Variants in PCDH7 observed in about 807,000 individuals in gnomAD.
PCDH7 encodes protocadherin 7, also known as protocadherin-7.
Under a neutral mutation model 58.9 loss-of-function variants are expected in PCDH7, and 17 were observed. The ratio of observed to expected loss-of-function variants is 0.29; its 90% CI spans 0.20 to 0.43. The LOEUF (loss-of-function observed/expected upper bound fraction) is 0.43, where lower values mean the gene tolerates loss of function less well. PCDH7 is among the 20% of genes least tolerant of loss of function. The pLI, the probability that PCDH7 is intolerant of heterozygous loss-of-function variation, is 1.00. For missense variants in PCDH7, 1,274 were observed against 1,441.0 expected, an observed-to-expected ratio of 0.88 and a Z score of 1.88; for synonymous variants, 664 against 616.4, an observed-to-expected ratio of 1.08 and a Z score of -1.14.
intron 1 of PCDH7, among the ~76,000 whole-genome samples, chr4:30,893,850 T>G (rs1423651594): frequency 6.6e-6 from 1 of 152,130 alleles, no homozygotes; most frequent in Non-Finnish European, 1.5e-5. Context: ...CAGGCCTGCA[T>G]GTATCATCTT....
intron 3 of PCDH7, among the ~76,000 whole-genome samples, chr4:31,079,361 T>C (rs1490253249): frequency 2.5e-5 from 2 of 79,096 alleles, no homozygotes; most frequent in Non-Finnish European, 4.8e-5. Context: ...TATATATATA[T>C]ATACACCACA....
intron 1 of PCDH7, among the ~76,000 whole-genome samples, chr4:30,751,075 T>C (rs1718455700): frequency 6.6e-6 from 1 of 152,242 alleles, no homozygotes; most frequent in Non-Finnish European, 1.5e-5. Context: ...AAAGACTTTT[T>C]GTGGCCATGT....
chr4:31,142,614 T>A, exon 4 of PCDH7: 1 of 1,367,788 alleles, frequency 7.3e-7, no homozygotes, highest in Non-Finnish European at 9.8e-7. Context: ...TCCACTTTCA[T>A]GCCTGTTGAT....
intron 3 of PCDH7, among the ~76,000 whole-genome samples, chr4:31,018,612 G>T (rs1310402796): frequency 1.3e-5 from 2 of 152,110 alleles, no homozygotes; most frequent in Non-Finnish European, 2.9e-5. Context: ...GTTTCTCTAA[G>T]TCGTGTATAT....
chr4:30,812,321 T>C (rs1727126681), intron 1 of PCDH7, among the ~76,000 whole-genome samples: 1 of 152,194 alleles, frequency 6.6e-6, no homozygotes, highest in South Asian at 2.1e-4. Flanking sequence ...ATTTGTTTTA[T>C]TGTTATCCTT....
intron 1 of PCDH7, among the ~76,000 whole-genome samples, chr4:30,890,252 G>T (rs748682462): frequency 6.6e-6 from 1 of 152,002 alleles, no homozygotes; most frequent in Non-Finnish European, 1.5e-5. Flanking sequence ...ACTGTAATTT[G>T]CATGCCAAGT....
At chr4:30,948,085 T>C (rs563414843) in intron 2 of PCDH7, among the ~76,000 whole-genome samples, 1 of 152,030 alleles carries the variant, frequency 6.6e-6, no homozygotes, top group Non-Finnish European at 1.5e-5. Context: ...ATATTGCTTA[T>C]TACATCTTAA....
At chr4:30,738,920 C>CATGT (rs1474204963) in intron 1 of PCDH7, among the ~76,000 whole-genome samples, 1 of 151,786 alleles carries the variant, frequency 6.6e-6, no homozygotes, top group African/African-American at 2.4e-5. Flanking sequence ...AACTGCCAGG[C>CATGT]ATGTAACCAA....
rs573664721 is a variant in PCDH7 at position 30,974,120 on chromosome 4, A to G, written c.*7+23905A>G. ...AGTTATGAATTCAGTTGTCAGTAGT[A>G]TCCATGAATACTACTGGTGTTGCAG... On this transcript the variant is annotated intron_variant, in intron 3 of 3. Coordinates refer to the PCDH7 transcript ENST00000509759. Among the ~76,000 whole-genome samples, 10 of 151,840 alleles carry G rather than the reference A, an allele frequency of 6.6e-5. No homozygotes were observed. The East Asian group carries it at 1.9e-3, about 29-fold the overall frequency.
At chr4:30,761,771 A>C in intron 1 of PCDH7, among the ~76,000 whole-genome samples, 1 of 152,216 alleles carries the variant, frequency 6.6e-6, no homozygotes, top group East Asian at 1.9e-4. Flanking sequence ...TCATGTGCTA[A>C]GTTCTTAAAA....
intron 1 of PCDH7, among the ~76,000 whole-genome samples, chr4:30,804,106 G>T (rs1333400298): frequency 1.3e-5 from 2 of 151,994 alleles, no homozygotes; most frequent in African/African-American, 4.8e-5. Flanking sequence ...CATGAATTTT[G>T]GACATGACAC....
chr4:30,973,984 T>G (rs1434642979), intron 3 of PCDH7, among the ~76,000 whole-genome samples: 2 of 152,110 alleles, frequency 1.3e-5, no homozygotes, highest in African/African-American at 2.4e-5. Context: ...AGAAGGAGTA[T>G]GCTTGAGGGT....
chr4:31,068,707 G>A (rs1235805770), intron 3 of PCDH7, among the ~76,000 whole-genome samples: 2 of 151,992 alleles, frequency 1.3e-5, no homozygotes, highest in Non-Finnish European at 2.9e-5. Context: ...TAACCTGTCT[G>A]CTGGGATCCT....
intron 1 of PCDH7, among the ~76,000 whole-genome samples, chr4:30,872,589 T>C (rs950817120): frequency 5.3e-5 from 8 of 152,020 alleles, no homozygotes; most frequent in Non-Finnish European, 1.0e-4. Context: ...TTGACCATCA[T>C]TGGGTAGCTG....
chr4:30,781,963 G>C (rs1259158295), intron 1 of PCDH7, among the ~76,000 whole-genome samples: 2 of 152,114 alleles, frequency 1.3e-5, no homozygotes, highest in African/African-American at 4.8e-5. Flanking sequence ...ATGTAAATGG[G>C]TATAGACTTC....
chr4:30,817,487 GT>G (rs762779751), intron 1 of PCDH7, among the ~76,000 whole-genome samples: 15 of 152,132 alleles, frequency 9.9e-5, no homozygotes, highest in Non-Finnish European at 1.8e-4. Flanking sequence ...GCATATATCT[GT>G]TCTAAAAATG....
At chr4:30,889,508 AAT>A (rs1280637191) in intron 1 of PCDH7, among the ~76,000 whole-genome samples, 1 of 152,126 alleles carries the variant, frequency 6.6e-6, no homozygotes, top group Non-Finnish European at 1.5e-5. Context: ...ATAGTAAAAC[AAT>A]ATATATACAA....
chr4:30,840,800 C>G (rs894299387), intron 1 of PCDH7, among the ~76,000 whole-genome samples: 13 of 152,156 alleles, frequency 8.5e-5, no homozygotes, highest in African/African-American at 3.1e-4. Context: ...GTTCACAGAA[C>G]TCTTCTGTTT....
At chr4:30,905,932 A>C (rs1362886312) in intron 1 of PCDH7, among the ~76,000 whole-genome samples, 1 of 152,216 alleles carries the variant, frequency 6.6e-6, no homozygotes, top group African/African-American at 2.4e-5. Flanking sequence ...GAGGCTAAGA[A>C]GAAATCACAG....
Sources: gnomAD v4.1 joint callset for allele counts (sites outside exome capture counted in the v4.1 genomes callset) on GRCh38, gnomAD v4.1.1 for gene constraint, MANE v1.5 for transcripts, NCBI Gene and HGNC (gene_info 2026-07-23, HGNC 2026-07-21) for gene names.